Variants in YY1 observed in about 807,000 individuals in gnomAD.
The protein encoded by YY1 is transcriptional repressor protein YY1.
A neutral mutation model predicts 35.6 loss-of-function variants in YY1; 2 were observed. The observed-to-expected ratio is 0.06, with a 90% confidence interval of 0.02 to 0.18. The LOEUF is 0.18. Ranked by LOEUF, YY1 falls within the 10% of genes least tolerant of loss-of-function variation. The pLI is 1.00. For missense variants in YY1, 322 were observed against 573.4 expected, an observed-to-expected ratio of 0.56 and a Z score of 4.48; for synonymous variants, 268 against 238.9, an observed-to-expected ratio of 1.12 and a Z score of -1.12.
chr14:100,280,730 A>G lies in YY1; in HGVS notation c.*3130A>G, dbSNP rs1342622804. The G allele has an allele frequency of 6.6e-6, 1 of 152,120 alleles. No individual in the cohort carries two copies. The highest frequency in any genetic ancestry group is 2.1e-4 in the South Asian group (1 of 4,828). 9.4% of individuals were successfully genotyped at this position (152,120 alleles called of 1,614,324 possible). A position where few individuals can be genotyped will look rare whatever the true frequency, so the allele number is the denominator to read the frequency against. ...GTGTTTCCAAGCAGAGTTCAAGTTCATGTCTTCACAAGTAGATGAGAGTCA... is the reference window on the plus strand; with the variant it reads ...GTGTTTCCAAGCAGAGTTCAAGTTCGTGTCTTCACAAGTAGATGAGAGTCA... On this transcript the variant is annotated 3_prime_UTR_variant, in exon 5 of 5. Coordinates refer to ENST00000262238, the MANE Select transcript of YY1 (RefSeq NM_003403.5).
chr14:100,258,449 T>C (rs974231570), intron 1 of YY1, among the ~76,000 whole-genome samples: 7 of 152,222 alleles, frequency 4.6e-5, no homozygotes, highest in Admixed American at 4.6e-4. Context: ...ACCTTGGGTA[T>C]ATTATCACTA....
At chr14:100,263,618 A>C (rs1434907746) in intron 2 of YY1, among the ~76,000 whole-genome samples, 1 of 152,214 alleles carries the variant, frequency 6.6e-6, no homozygotes, top group African/African-American at 2.4e-5. Flanking sequence ...TCCATACCTG[A>C]GGTTGGTTGG....
chr14:100,257,494 G>A (rs1443460502), intron 1 of YY1, among the ~76,000 whole-genome samples: 1 of 152,156 alleles, frequency 6.6e-6, no homozygotes, highest in African/African-American at 2.4e-5. Flanking sequence ...CCCCCAATGT[G>A]ATGGTATTAG....
At chr14:100,269,950 C>A (rs1891209587) in intron 2 of YY1, among the ~76,000 whole-genome samples, 2 of 152,074 alleles carry the variant, frequency 1.3e-5, no homozygotes, top group African/African-American at 4.8e-5. Flanking sequence ...TTGAAAATTT[C>A]CATGATAAAA....
chr14:100,249,775 TGTTTTTG>T (rs1400636925), intron 1 of YY1, among the ~76,000 whole-genome samples: 25 of 150,380 alleles, frequency 1.7e-4, no homozygotes, highest in Non-Finnish European at 3.3e-4. Context: ...TTTTTGTTTT[TGTTTTTG>T]TTTTTTTTTG....
chr14:100,248,121 C>CTTTTCTTTT (rs772049697), intron 1 of YY1, among the ~76,000 whole-genome samples: 3 of 117,660 alleles, frequency 2.5e-5, no homozygotes, highest in African/African-American at 3.4e-5. Context: ...ATTTTTTTTT[C>CTTTTCTTTT]TTTTTTTTTT....
intron 2 of YY1, among the ~76,000 whole-genome samples, chr14:100,268,760 C>T (rs1359834255): frequency 2.0e-5 from 3 of 152,136 alleles, no homozygotes; most frequent in African/African-American, 7.2e-5. Context: ...AAATGACAGC[C>T]GTATTACGCA....
intron 2 of YY1, 90 bp from the exon 3 acceptor site, chr14:100,274,608 A>G (rs1301935544): frequency 1.7e-6 from 2 of 1,174,772 alleles, no homozygotes; most frequent in Non-Finnish European, 1.3e-6. Context: ...GGGTACCTAT[A>G]AGGAAAGCAT....
At chr14:100,260,686 T>C (rs1042837708) in intron 1 of YY1, among the ~76,000 whole-genome samples, 1 of 149,872 alleles carries the variant, frequency 6.7e-6, no homozygotes, top group Non-Finnish European at 1.5e-5. Flanking sequence ...TTAGCCAGGA[T>C]GGTCTCGATC....
At chr14:100,249,859 C>T (rs1268856763) in intron 1 of YY1, among the ~76,000 whole-genome samples, 1 of 151,410 alleles carries the variant, frequency 6.6e-6, no homozygotes. Flanking sequence ...CTGCAACCTC[C>T]GCCTCCCAGG....
intron 1 of YY1, among the ~76,000 whole-genome samples, chr14:100,249,136 G>A (rs1337032988): frequency 3.8e-5 from 1 of 26,350 alleles, no homozygotes; most frequent in Non-Finnish European, 8.3e-5. Context: ...TTTTTTTTTT[G>A]GGAGACAGAG....
chr14:100,276,219 G>C lies in YY1; in HGVS notation c.904-271G>C. On this transcript the variant is annotated intron_variant, in intron 3 of 4. Coordinates refer to ENST00000262238, the MANE Select transcript of YY1 (RefSeq NM_003403.5). The surrounding 1 kb of genome is among the most constrained non-coding windows in gnomAD (Gnocchi z 4.1). ...TCTATTCCCAGTTTGGCTACTACTA[G>C]TAGTGTGACCTTGGGCAAGTCTACT... The C allele has an allele frequency of 2.2e-6, 1 of 453,450 alleles. No homozygotes were observed. The highest frequency in any genetic ancestry group is 4.0e-6 in the Non-Finnish European group (1 of 247,118). 28.1% of individuals were successfully genotyped at this position (453,450 alleles called of 1,614,324 possible). A position where few individuals can be genotyped will look rare whatever the true frequency, so the allele number is the denominator to read the frequency against.
rs1891094315 is a variant in YY1 at position 100,262,173 on chromosome 14, AAG to A, written c.680-130_680-129del. On this transcript the variant is annotated intron_variant, in intron 1 of 4. Transcript: ENST00000262238. ...GTGAGACCGTTCTCCAAAAAAAAAA[AAG>A]GGAGAGGGGAGAACAAATTGAGCTG... 14 of 965,756 alleles carry A rather than the reference AAG, an allele frequency of 1.4e-5. No homozygotes were observed. In the East Asian group the frequency reaches 3.0e-4, roughly 20 times the overall value. The allele number at this position is 965,756 out of a possible 1,614,324, so 59.8% of individuals were successfully genotyped here. A position where few individuals can be genotyped will look rare whatever the true frequency, so the allele number is the denominator to read the frequency against.
rs57547470 is a variant in YY1, at chr14:100,278,133, T to TAA, written c.*544_*545dup. 9.5e-4 allele frequency: 141 copies of TAA among 149,138 alleles called. No individual in the cohort carries two copies. The highest frequency in any genetic ancestry group is 3.2e-3 in the African/African-American group (128 of 40,502). 9.2% of individuals were successfully genotyped at this position (149,138 alleles called of 1,614,324 possible). ...TGCATACTTCAAAAGTATTTTCCTG[T>TAA]AAAAAAAAAAAAGTTATATAGGTTT... On this transcript the variant is annotated 3_prime_UTR_variant, in exon 5 of 5. Coordinates refer to ENST00000262238, the MANE Select transcript of YY1 (RefSeq NM_003403.5).
At chr14:100,251,738 C>T (rs1890928059) in intron 1 of YY1, among the ~76,000 whole-genome samples, 2 of 152,124 alleles carry the variant, frequency 1.3e-5, no homozygotes, top group Non-Finnish European at 2.9e-5. Flanking sequence ...TGGTATCCTT[C>T]CTCCCTCCCT....
chr14:100,268,947 T>C (rs1891192882), intron 2 of YY1, among the ~76,000 whole-genome samples: 1 of 152,236 alleles, frequency 6.6e-6, no homozygotes, highest in Non-Finnish European at 1.5e-5. Flanking sequence ...TACACAATGC[T>C]CTGCTGATAC....
At chr14:100,242,366 G>GTTTTGCT (rs1566767617) in intron 1 of YY1, among the ~76,000 whole-genome samples, 6 of 71,524 alleles carry the variant, frequency 8.4e-5, no homozygotes, top group East Asian at 4.0e-4. Context: ...TGGCTGTTTT[G>GTTTTGCT]TTTTGTTTTT....
chr14:100,264,424 A>G (rs1891125414), intron 2 of YY1, among the ~76,000 whole-genome samples: 1 of 151,972 alleles, frequency 6.6e-6, no homozygotes, highest in Non-Finnish European at 1.5e-5. Flanking sequence ...TGATCCACCC[A>G]CCTTGGCTTC....
Position 100,239,890 on chromosome 14 carries a change from G to C in YY1, c.646G>C (p.Glu216Gln). The C allele has an allele frequency of 6.5e-7, 1 of 1,530,982 alleles. No individual in the cohort carries two copies. Among genetic ancestry groups the C allele is most frequent in the Non-Finnish European group, 8.8e-7 (1 of 1,140,758 alleles). The allele number at this position is 1,530,982 out of a possible 1,614,324, so 94.8% of individuals were successfully genotyped here. A position where few individuals can be genotyped will look rare whatever the true frequency, so the allele number is the denominator to read the frequency against. Residue 216 changes from glutamate (E) to glutamine (Q), a missense_variant, in exon 1 of 5, where the codon GAG (glutamate) becomes CAG (glutamine). By Grantham distance (29) the Glu-to-Gln change is conservative. Transcript: ENST00000262238. ...GAAGCAGGTGCAGATCAAGACCCTG[G>C]AGGGCGAGTTCTCGGTCACCATGTG... The part of the protein sequence containing the change: ...EQKQVQIKTL[E>Q]GEFSVTMWSS...
Sources: allele counts gnomAD v4.1 joint callset (sites outside exome capture counted in the v4.1 genomes callset), GRCh38; gene constraint gnomAD v4.1.1; non-coding constraint Gnocchi (gnomAD v3.1); transcripts MANE v1.5; gene names NCBI Gene and HGNC (gene_info 2026-07-23, HGNC 2026-07-21).